NEURL1: variants seen among roughly 807,000 people sequenced by gnomAD.
NEURL1 encodes E3 ubiquitin-protein ligase NEURL1.
NEURL1 carries 26 observed loss-of-function variants against 41.2 expected under a neutral mutation model. That is an observed-to-expected ratio of 0.63 (90% confidence interval 0.46 to 0.87). The LOEUF is 0.87. Among genes scored for constraint, NEURL1 ranks in the 40% least tolerant of loss-of-function variants. The pLI, the probability that NEURL1 is intolerant of heterozygous loss-of-function variation, is 0.00. For missense variants in NEURL1, 761 were observed against 871.1 expected, an observed-to-expected ratio of 0.87 and a Z score of 1.59; for synonymous variants, 400 against 402.3, an observed-to-expected ratio of 0.99 and a Z score of 0.07.
At chr10:103,494,623 G>A in intron 1 of NEURL1, 151 bp downstream of exon 1, 1 of 667,194 alleles carries the variant, frequency 1.5e-6, no homozygotes, top group Non-Finnish European at 2.4e-6. Flanking sequence ...GGGGGTGGAG[G>A]GCAGCCGGCG....
At chr10:103,534,782 G>A (rs927169362) in intron 1 of NEURL1, among the ~76,000 whole-genome samples, 1 of 152,056 alleles carries the variant, frequency 6.6e-6, no homozygotes, top group African/African-American at 2.4e-5. Context: ...CTAGGCTGAG[G>A]GTCTTGCAAG....
intron 1 of NEURL1, among the ~76,000 whole-genome samples, chr10:103,543,421 G>A (rs1295594169): frequency 6.6e-6 from 1 of 152,220 alleles, no homozygotes; most frequent in Non-Finnish European, 1.5e-5. Flanking sequence ...GGTCCACAGG[G>A]ACCTGGGGCA....
chr10:103,520,764 C>T lies in NEURL1; in HGVS notation c.85+26292C>T, dbSNP rs570708824. ...TGATGTTTCTCAGGGCTGCTTCCAG[C>T]GGGATTAGGGTTGGCGTGGGAACCT... On this transcript the variant is annotated intron_variant, in intron 1 of 5. Transcript: ENST00000369780. 9.9e-5 allele frequency among the ~76,000 whole-genome samples: 15 copies of T among 152,004 alleles called. No homozygotes were observed. In the South Asian group the frequency reaches 2.7e-3, roughly 27 times the overall value.
rs189779554 is a variant in NEURL1, at chr10:103,591,396, A to T, written c.*1024A>T. ...ACCAGCCTTTTTCCTCAGTTTAATT[A>T]ATTTATTTATTTGGTTTGTGGTTTT... On this transcript the variant is annotated 3_prime_UTR_variant, in exon 6 of 6. Coordinates refer to ENST00000369780, the MANE Select transcript of NEURL1 (RefSeq NM_004210.5). 3.9e-5 allele frequency: 6 copies of T among 151,972 alleles called. No individual in the cohort carries two copies. The East Asian group carries it at 9.7e-4, about 25-fold the overall frequency. The allele number at this position is 151,972 out of a possible 1,614,324, so 9.4% of individuals were successfully genotyped here. A position where few individuals can be genotyped will look rare whatever the true frequency, so the allele number is the denominator to read the frequency against.
intron 3 of NEURL1, among the ~76,000 whole-genome samples, chr10:103,584,174 C>G (rs1306407898): frequency 6.6e-6 from 1 of 152,090 alleles, no homozygotes; most frequent in Non-Finnish European, 1.5e-5. Context: ...GCTGTTCTAG[C>G]TGCTAGGGAT....
At position 103,570,661 on chromosome 10, in the gene NEURL1, A is replaced by G. The variant is rs530263982; in HGVS notation, c.86-211A>G. 3.3e-5 allele frequency among the ~76,000 whole-genome samples: 5 copies of G among 151,800 alleles called. No individual in the cohort carries two copies. The South Asian group carries it at 6.2e-4, about 19-fold the overall frequency. ...AATGCCGAGGTGAGAAGTGGTGGAT[A>G]GTGAACCAGTAGAGCATGGTGGCAG... On this transcript the variant is annotated intron_variant, in intron 1 of 5. Transcript: ENST00000369780.
intron 1 of NEURL1, chr10:103,494,686 G>A: frequency 3.7e-6 from 2 of 545,576 alleles, no homozygotes; most frequent in Non-Finnish European, 6.4e-6. Context: ...TCTGTCTGCT[G>A]GCACTGGGAA....
rs1235808142 is a variant in NEURL1 at position 103,591,323 on chromosome 10, G to A, written c.*951G>A. Reference sequence around the variant, plus strand: ...ATAGTCAGAGCCTGTGGCACACCTGGGATGGGCCAGGGCCCTGGGTGGGGA... The same window carrying A: ...ATAGTCAGAGCCTGTGGCACACCTGAGATGGGCCAGGGCCCTGGGTGGGGA... On this transcript the variant is annotated 3_prime_UTR_variant, in exon 6 of 6. Coordinates refer to ENST00000369780, the MANE Select transcript of NEURL1 (RefSeq NM_004210.5). 6.6e-6 allele frequency: 1 copy of A among 152,668 alleles called. No homozygotes were observed. Among genetic ancestry groups the A allele is most frequent in the Non-Finnish European group, 1.5e-5 (1 of 68,122 alleles). The allele number at this position is 152,668 out of a possible 1,614,324, so 9.5% of individuals were successfully genotyped here. A position where few individuals can be genotyped will look rare whatever the true frequency, so the allele number is the denominator to read the frequency against.
chr10:103,546,281 G>A (rs1030480461), intron 1 of NEURL1, among the ~76,000 whole-genome samples: 10 of 152,154 alleles, frequency 6.6e-5, no homozygotes, highest in African/African-American at 2.2e-4. Flanking sequence ...CAAAGCCCTG[G>A]GGCCTGCACT....
intron 1 of NEURL1, among the ~76,000 whole-genome samples, chr10:103,536,426 T>C (rs2034694232): frequency 6.6e-6 from 1 of 151,920 alleles, no homozygotes; most frequent in Non-Finnish European, 1.5e-5. Context: ...CACCTGTAGT[T>C]CCAGCTACTT....
At chr10:103,509,339 G>T (rs2034019890) in intron 1 of NEURL1, among the ~76,000 whole-genome samples, 1 of 152,102 alleles carries the variant, frequency 6.6e-6, no homozygotes, top group Non-Finnish European at 1.5e-5. Context: ...CGTCATAGGG[G>T]AACAGCACAG....
intron 1 of NEURL1, among the ~76,000 whole-genome samples, chr10:103,536,434 C>G (rs189642674): frequency 1.8e-4 from 28 of 152,144 alleles, no homozygotes; most frequent in Admixed American, 1.7e-3. Flanking sequence ...GTTCCAGCTA[C>G]TTGGGAGGCT....
intron 1 of NEURL1, among the ~76,000 whole-genome samples, chr10:103,522,945 A>G (rs184758969): frequency 1.3e-5 from 2 of 151,944 alleles, no homozygotes; most frequent in Non-Finnish European, 2.9e-5. Flanking sequence ...TGAGGATTTT[A>G]TAGTTGTCTT....
Position 103,590,678 on chromosome 10 carries a change from A to C in NEURL1, c.*306A>C. On this transcript the variant is annotated 3_prime_UTR_variant, in exon 6 of 6. Coordinates refer to ENST00000369780, the MANE Select transcript of NEURL1 (RefSeq NM_004210.5). ...TAAATTGGGATCTCAGCCTGCCCTA[A>C]TCTTTCCCCATCTGAGGCAGGTTTC... The C allele has an allele frequency of 9.7e-6, 4 of 410,420 alleles. No homozygotes were observed. Among genetic ancestry groups the C allele is most frequent in the East Asian group, 4.9e-5 (1 of 20,422 alleles). 25.4% of individuals were successfully genotyped at this position (410,420 alleles called of 1,614,324 possible).
In NEURL1 at chr10:103,545,469, A is replaced by T. The variant is rs192132529; in HGVS notation, c.86-25403A>T. On this transcript the variant is annotated intron_variant, in intron 1 of 5. Transcript: ENST00000369780. This position sits in a 1 kb window ranked among gnomAD's most constrained non-coding sequence, Gnocchi z 4.5. Reference sequence around the variant, plus strand: ...GGGGACAGAGTTCCTTCCTGGACTCAGTGGGGATGAGAGCCACTGGCCTTT... The same window carrying T: ...GGGGACAGAGTTCCTTCCTGGACTCTGTGGGGATGAGAGCCACTGGCCTTT... Among the ~76,000 whole-genome samples, 155 of 152,284 alleles carry T rather than the reference A, an allele frequency of 1.0e-3. No homozygotes were observed. The highest frequency in any genetic ancestry group is 2.0e-3 in the Non-Finnish European group (133 of 68,000).
chr10:103,584,972 C>A lies in NEURL1; in HGVS notation c.1086C>A (p.Pro362=), dbSNP rs769053760. 1 of 1,526,978 alleles carries A rather than the reference C, an allele frequency of 6.5e-7. No individual in the cohort carries two copies. Among genetic ancestry groups the A allele is most frequent in the South Asian group, 1.2e-5 (1 of 82,502 alleles). The allele number at this position is 1,526,978 out of a possible 1,614,324, so 94.6% of individuals were successfully genotyped here. Reference sequence around the variant, plus strand: ...CGTTCGGCGTCACCACGTGCGACCCCGGCACGCTGCGGCCGGCCGACCTGC... The same window carrying A: ...CGTTCGGCGTCACCACGTGCGACCCAGGCACGCTGCGGCCGGCCGACCTGC... ...ALSFGVTTCD[P]GTLRPADLPF... Residue 362 remains proline, a synonymous_variant, in exon 4 of 6, where the codon CCC becomes CCA. Coordinates refer to ENST00000369780, the MANE Select transcript of NEURL1 (RefSeq NM_004210.5).
chr10:103,518,648 C>T (rs1419649467), intron 1 of NEURL1, among the ~76,000 whole-genome samples: 2 of 152,158 alleles, frequency 1.3e-5, no homozygotes, highest in African/African-American at 4.8e-5. Flanking sequence ...CCAGAGAAGA[C>T]CTGATGGCAT....
At chr10:103,589,327 T>C (rs759559733) in intron 4 of NEURL1, among the ~76,000 whole-genome samples, 187 bp from the exon 5 acceptor site, 1 of 152,212 alleles carries the variant, frequency 6.6e-6, no homozygotes, top group Non-Finnish European at 1.5e-5. Flanking sequence ...TCAAAGTCTT[T>C]AGCTGATTAG....
intron 1 of NEURL1, among the ~76,000 whole-genome samples, chr10:103,548,480 G>A (rs971118966): frequency 3.3e-5 from 5 of 152,044 alleles, no homozygotes; most frequent in South Asian, 2.1e-4. Context: ...GTGCCACCAC[G>A]CCTGGCTAAT....
Sources: gnomAD v4.1 joint callset for allele counts (sites outside exome capture counted in the v4.1 genomes callset) on GRCh38, gnomAD v4.1.1 for gene constraint, Gnocchi (gnomAD v3.1) non-coding constraint, MANE v1.5 for transcripts, NCBI Gene and HGNC (gene_info 2026-07-23, HGNC 2026-07-21) for gene names.